PPARGC1A: variants seen among roughly 807,000 people sequenced by gnomAD.
The protein encoded by PPARGC1A is peroxisome proliferator-activated receptor gamma coactivator 1-alpha.
Under a neutral mutation model 88.7 loss-of-function variants are expected in PPARGC1A, and 25 were observed. The ratio of observed to expected loss-of-function variants is 0.28; its 90% CI spans 0.21 to 0.39. The LOEUF (loss-of-function observed/expected upper bound fraction) is 0.39, where lower values mean the gene tolerates loss of function less well. PPARGC1A is among the 10% of genes least tolerant of loss of function. PPARGC1A has a pLI of 1.00. For synonymous variants in PPARGC1A, 363 were observed against 355.6 expected, an observed-to-expected ratio of 1.02 and a Z score of -0.24; for missense variants, 880 against 968.7, an observed-to-expected ratio of 0.91 and a Z score of 1.22.
At chr4:23,997,052 T>C in the PPARGC1A span, among the ~76,000 whole-genome samples, 1 of 152,188 alleles carries the variant, frequency 6.6e-6, no homozygotes, top group East Asian at 1.9e-4. Flanking sequence ...GTCAGAAGAA[T>C]CATGGTAGTA....
At chr4:24,274,645 T>C in the PPARGC1A span, among the ~76,000 whole-genome samples, 1 of 152,208 alleles carries the variant, frequency 6.6e-6, no homozygotes, top group South Asian at 2.1e-4. Context: ...CATTCTTAAC[T>C]GATGAGTTAT....
chr4:24,453,592 TA>T, the PPARGC1A span, among the ~76,000 whole-genome samples: 1 of 152,182 alleles, frequency 6.6e-6, no homozygotes, highest in African/African-American at 2.4e-5. Context: ...CCAGCCTGAC[TA>T]ACGTGGTAAA....
At chr4:24,350,082 G>A in the PPARGC1A span, among the ~76,000 whole-genome samples, 1 of 152,314 alleles carries the variant, frequency 6.6e-6, no homozygotes, top group Admixed American at 6.5e-5. Flanking sequence ...CTTCTCCAGT[G>A]GGGGGTGTGT....
chr4:23,976,348 G>A, the PPARGC1A span, among the ~76,000 whole-genome samples: 34 of 152,260 alleles, frequency 2.2e-4, no homozygotes, highest in African/African-American at 7.9e-4. Context: ...AAGATAAGTG[G>A]GATATTAAAA....
At chr4:24,019,710 C>A in the PPARGC1A span, among the ~76,000 whole-genome samples, 1 of 152,136 alleles carries the variant, frequency 6.6e-6, no homozygotes, top group African/African-American at 2.4e-5. Context: ...TAAAAATAAG[C>A]AAAAGACCTG....
rs1718809536 is a variant in PPARGC1A, at chr4:23,801,821, A to G, written c.2202T>C (p.Asn734=). 1 of 1,613,878 alleles carries G rather than the reference A, an allele frequency of 6.2e-7. No homozygotes were observed. Among genetic ancestry groups the G allele is most frequent in the African/African-American group, 1.3e-5 (1 of 74,920 alleles). ...YTCDAFAALE[N]GYTLRRSNET... ...CGTTTGACCTGCGCAAAGTGTATCC[A>G]TTTTCAAGAGCAGCAAAAGCATCAC... The change falls in exon 12 of 13, where the codon AAT becomes AAC. Residue 734 remains asparagine (N), a synonymous_variant. Transcript: ENST00000264867.
the PPARGC1A span, among the ~76,000 whole-genome samples, chr4:24,008,101 A>G: frequency 3.3e-5 from 5 of 152,166 alleles, no homozygotes. Flanking sequence ...CTGGGAATGC[A>G]CAAGGAGAGG....
At chr4:24,248,316 G>C in the PPARGC1A span, among the ~76,000 whole-genome samples, 2 of 151,890 alleles carry the variant, frequency 1.3e-5, no homozygotes, top group East Asian at 3.9e-4. Flanking sequence ...TAGTAGAGAC[G>C]GAGTTTCACC....
At chr4:24,031,655 C>T in the PPARGC1A span, among the ~76,000 whole-genome samples, 4 of 152,170 alleles carry the variant, frequency 2.6e-5, no homozygotes, top group African/African-American at 9.7e-5. Flanking sequence ...CGATGTTTAA[C>T]ATCATCCCTG....
the PPARGC1A span, among the ~76,000 whole-genome samples, chr4:24,147,424 G>A: frequency 1.3e-5 from 2 of 152,206 alleles, no homozygotes; most frequent in Admixed American, 1.3e-4. Flanking sequence ...TTAAGCGCTT[G>A]AGAGGACTCC....
chr4:23,910,448 T>C, the PPARGC1A span, among the ~76,000 whole-genome samples: 1 of 124,474 alleles, frequency 8.0e-6, no homozygotes, highest in Admixed American at 1.1e-4. Context: ...TATTAATATA[T>C]ATATATTTTT....
the PPARGC1A span, among the ~76,000 whole-genome samples, chr4:24,183,742 G>A: frequency 6.6e-6 from 1 of 152,096 alleles, no homozygotes; most frequent in African/African-American, 2.4e-5. Flanking sequence ...TGGAACATCT[G>A]ATCTTGAAAA....
At chr4:23,807,071 C>G (rs887147032) in intron 10 of PPARGC1A, among the ~76,000 whole-genome samples, 1 of 152,100 alleles carries the variant, frequency 6.6e-6, no homozygotes, top group African/African-American at 2.4e-5. Flanking sequence ...AACTACATAT[C>G]AACTTTGGCA....
At chr4:24,000,648 T>A in the PPARGC1A span, among the ~76,000 whole-genome samples, 1 of 152,106 alleles carries the variant, frequency 6.6e-6, no homozygotes, top group African/African-American at 2.4e-5. Context: ...TCCAATAGGA[T>A]TTTTTCTTTT....
Position 23,884,818 on chromosome 4 carries a change from C to T in PPARGC1A, c.168G>A (p.Lys56=). 6.2e-7 allele frequency: 1 copy of T among 1,613,958 alleles called. No homozygotes were observed. ...TTATTTCTGATTGGTCACTGCACCACTTGAGTCCACCCAGAAAGCTGTCTG... is the reference window on the plus strand; with the variant it reads ...TTATTTCTGATTGGTCACTGCACCATTTGAGTCCACCCAGAAAGCTGTCTG... ...LDTDSFLGGL[K]WCSDQSEIIS... The change falls in exon 2 of 13, where the codon AAG becomes AAA. Residue 56 remains lysine (K), a synonymous_variant. Coordinates refer to ENST00000264867, the MANE Select transcript of PPARGC1A (RefSeq NM_013261.5).
At chr4:24,242,403 GC>G in the PPARGC1A span, among the ~76,000 whole-genome samples, 3 of 152,168 alleles carry the variant, frequency 2.0e-5, no homozygotes, top group Admixed American at 6.5e-5. Context: ...GAGTCTTCAG[GC>G]CTGCTTATCT....
At chr4:24,201,147 T>C in the PPARGC1A span, among the ~76,000 whole-genome samples, 1 of 152,344 alleles carries the variant, frequency 6.6e-6, no homozygotes, top group East Asian at 1.9e-4. Context: ...GCCATAAAAC[T>C]ACATCACCAT....
chr4:24,380,125 T>C, the PPARGC1A span, among the ~76,000 whole-genome samples: 1 of 152,076 alleles, frequency 6.6e-6, no homozygotes, highest in Non-Finnish European at 1.5e-5. Context: ...TTTTTAATCA[T>C]GGGACATTAA....
the PPARGC1A span, among the ~76,000 whole-genome samples, chr4:24,383,575 A>G: frequency 6.6e-6 from 1 of 152,198 alleles, no homozygotes; most frequent in Non-Finnish European, 1.5e-5. Context: ...AACTTTGTGA[A>G]GCATACACAA....
Sources: gnomAD v4.1 joint callset for allele counts (sites outside exome capture counted in the v4.1 genomes callset) on GRCh38, gnomAD v4.1.1 for gene constraint, MANE v1.5 for transcripts, NCBI Gene and HGNC (gene_info 2026-07-23, HGNC 2026-07-21) for gene names.